PCDH11Y: variants seen among roughly 807,000 people sequenced by gnomAD.
The protein encoded by PCDH11Y is protocadherin 11 Y-linked.
For synonymous variants in PCDH11Y, 9 were observed against 83.6 expected (o/e 0.11, Z 4.87); for missense variants, 12 against 224.8 (o/e 0.05, Z 6.05).
intron 3 of PCDH11Y, among the ~76,000 whole-genome samples, chrY:5,554,503 A>G: frequency 3.0e-5 from 1 of 33,323 alleles, no homozygotes; most frequent in Admixed American, 2.7e-4. Flanking sequence ...GCTTTATGGC[A>G]GCCCCTCCTA....
At chrY:5,329,556 T>C (rs2053127272) in intron 2 of PCDH11Y, among the ~76,000 whole-genome samples, 1 of 32,698 alleles carries the variant, frequency 3.1e-5, no homozygotes, top group African/African-American at 1.2e-4. Context: ...AAGTCAGGCA[T>C]CCCTGCGTGG....
intron 2 of PCDH11Y, among the ~76,000 whole-genome samples, chrY:5,368,330 G>A (rs2053183305): frequency 3.0e-5 from 1 of 33,684 alleles, no homozygotes; most frequent in African/African-American, 1.2e-4. Context: ...TGAAGCCTAG[G>A]GACTTGGTGC....
intron 2 of PCDH11Y, among the ~76,000 whole-genome samples, chrY:5,494,685 T>TA (rs2053342185): frequency 6.3e-5 from 2 of 31,713 alleles, no homozygotes; most frequent in East Asian, 8.2e-4. Flanking sequence ...TTATGGTACT[T>TA]AAAAAAAAAT....
chrY:5,277,826 C>T (rs2053046197), intron 2 of PCDH11Y, among the ~76,000 whole-genome samples: 2 of 32,613 alleles, frequency 6.1e-5, no homozygotes, highest in African/African-American at 1.2e-4. Context: ...ACAGGCTTTA[C>T]GTGTATCCTG....
chrY:5,658,493 G>A, intron 4 of PCDH11Y, among the ~76,000 whole-genome samples: 1 of 32,948 alleles, frequency 3.0e-5, no homozygotes, highest in African/African-American at 1.2e-4. Flanking sequence ...TCTTATAGTT[G>A]TACTTCATTC....
intron 3 of PCDH11Y, among the ~76,000 whole-genome samples, chrY:5,503,160 T>A (rs2053355382): frequency 3.1e-5 from 1 of 32,450 alleles, no homozygotes; most frequent in East Asian, 8.0e-4. Context: ...GGGCTTTTTT[T>A]AAAAAAGGGT....
At chrY:5,491,631 T>A (rs2053338622) in intron 2 of PCDH11Y, among the ~76,000 whole-genome samples, 1 of 29,429 alleles carries the variant, frequency 3.4e-5, no homozygotes, top group African/African-American at 1.3e-4. Flanking sequence ...TTGGGGAGCC[T>A]GGACCTAGGA....
At chrY:5,098,788 G>A in exon 2 of PCDH11Y, 1 of 381,715 alleles carries the variant, frequency 2.6e-6, no homozygotes, top group Non-Finnish European at 3.6e-6. Flanking sequence ...TGTTCTTTCA[G>A]AAAATATTCC....
chrY:5,053,929 G>C (rs1602851284), upstream of PCDH11Y, among the ~76,000 whole-genome samples: 1 of 29,790 alleles, frequency 3.4e-5, no homozygotes. Context: ...GTGGGAGGAG[G>C]GGGGAAGGGT....
At chrY:5,486,688 TATATATATATATATATACAC>T (rs57376616) in intron 2 of PCDH11Y, among the ~76,000 whole-genome samples, 65 of 7,969 alleles carry the variant, frequency 8.2e-3, no homozygotes, top group African/African-American at 0.041. Context: ...TATATATATA[TATATATATATATATATACAC>T]ATATATATAT....
At chrY:5,281,035 G>T (rs2053053295) in intron 2 of PCDH11Y, among the ~76,000 whole-genome samples, 1 of 32,666 alleles carries the variant, frequency 3.1e-5, no homozygotes, top group Admixed American at 2.8e-4. Flanking sequence ...TAGTTGGCAA[G>T]AATTTTCTCC....
chrY:5,451,584 C>T, intron 2 of PCDH11Y, among the ~76,000 whole-genome samples: 1 of 33,066 alleles, frequency 3.0e-5, no homozygotes, highest in African/African-American at 1.2e-4. Context: ...ATAGGTCATT[C>T]ATTCAACACT....
chrY:5,367,270 A>AT, intron 2 of PCDH11Y, among the ~76,000 whole-genome samples: 1 of 23,774 alleles, frequency 4.2e-5, no homozygotes, highest in South Asian at 9.5e-4. Flanking sequence ...GGTAACTTGT[A>AT]TTTTTTTCTG....
intron 1 of PCDH11Y, among the ~76,000 whole-genome samples, chrY:5,023,685 G>A: frequency 3.0e-5 from 1 of 33,413 alleles, no homozygotes; most frequent in Non-Finnish European, 7.4e-5. Flanking sequence ...TTCTCTCTCA[G>A]CTCATATTTG....
chrY:5,191,069 A>G, intron 2 of PCDH11Y, among the ~76,000 whole-genome samples: 1 of 30,884 alleles, frequency 3.2e-5, no homozygotes, highest in South Asian at 7.7e-4. Context: ...CAACTAAAGA[A>G]TAGTTTGTGT....
At position 5,100,240 on chromosome Y, in the gene PCDH11Y, AC is replaced by A. The variant is rs745563537; in HGVS notation, c.2666del (p.Pro889GlnfsTer8). ...AAACATGCAGAATTCTGAATGGGCT[AC>A]CCCAAACCCAGAAAACAGGCAGATG... is the stretch of plus-strand genomic sequence containing the variant. On this transcript the variant is annotated frameshift_variant, in exon 2 of 2. Coordinates refer to ENST00000215473, the Ensembl canonical transcript of PCDH11Y. LOFTEE classifies it high-confidence loss of function. The A allele has an allele frequency of 2.5e-6, 1 of 395,332 alleles. No individual in the cohort carries two copies. The highest frequency in any genetic ancestry group is 6.6e-5 in the African/African-American group (1 of 15,074).
At chrY:5,528,235 C>T in intron 3 of PCDH11Y, among the ~76,000 whole-genome samples, 1 of 32,700 alleles carries the variant, frequency 3.1e-5, no homozygotes, top group Non-Finnish European at 7.6e-5. Context: ...TTGATAGAAA[C>T]GTCATACTTT....
chrY:5,433,151 T>C (rs2053270504), intron 2 of PCDH11Y, among the ~76,000 whole-genome samples: 1 of 34,126 alleles, frequency 2.9e-5, no homozygotes, highest in South Asian at 6.3e-4. Flanking sequence ...ATGTAAATTC[T>C]CTCTAAAAAT....
intron 2 of PCDH11Y, among the ~76,000 whole-genome samples, chrY:5,380,885 G>C: frequency 3.3e-5 from 1 of 30,643 alleles, no homozygotes; most frequent in African/African-American, 1.3e-4. Context: ...CACCGAGCCC[G>C]GCAGTTACTT....
Sources: gnomAD v4.1 joint callset for allele counts (sites outside exome capture counted in the v4.1 genomes callset) on GRCh38, gnomAD v4.1.1 for gene constraint, MANE v1.5 for transcripts, NCBI Gene and HGNC (gene_info 2026-07-23, HGNC 2026-07-21) for gene names.